MDN1: variants seen among roughly 807,000 people sequenced by gnomAD.
MDN1 encodes the protein midasin.
MDN1 carries 266 observed loss-of-function variants against 669.2 expected under a neutral mutation model. The observed-to-expected ratio is 0.40, with a 90% CI of 0.36 to 0.44. MDN1 has a LOEUF of 0.44. Ranked by LOEUF, MDN1 falls within the 20% of genes least tolerant of loss-of-function variation. The pLI, the probability that MDN1 is intolerant of heterozygous loss-of-function variation, is 1.00. For missense variants in MDN1, 5,940 were observed against 6,754.0 expected, an observed-to-expected ratio of 0.88 and a Z score of 4.22; for synonymous variants, 2,385 against 2,457.1, an observed-to-expected ratio of 0.97 and a Z score of 0.87.
Position 89,699,601 on chromosome 6 carries a change from C to T in MDN1, c.8997G>A (p.Lys2999=). Residue 2999 remains lysine, a splice_region_variant and synonymous_variant, in exon 58 of 102, where the codon AAG becomes AAA. Coordinates refer to ENST00000369393, the MANE Select transcript of MDN1 (RefSeq NM_014611.3). ...RDLWSLLHHQ[K]VSPEEITSLW... ...GCTTATGTCTTATTGTGATTTTTAC[C>T]TTCTGATGATGCAGCAAGGACCACA... 1.2e-6 allele frequency: 2 copies of T among 1,609,586 alleles called. No homozygotes were observed. The highest frequency in any genetic ancestry group is 1.7e-6 in the Non-Finnish European group (2 of 1,178,080).
chr6:89,748,087 G>A (rs961293847), intron 26 of MDN1, among the ~76,000 whole-genome samples: 9 of 148,584 alleles, frequency 6.1e-5, no homozygotes, highest in South Asian at 4.3e-4. Context: ...AGCACTTTGG[G>A]AGGCCAAGGC....
intron 94 of MDN1, among the ~76,000 whole-genome samples, 172 bp downstream of exon 94, chr6:89,652,820 G>C (rs1808976987): frequency 1.3e-5 from 2 of 152,172 alleles, no homozygotes; most frequent in African/African-American, 4.8e-5. Context: ...CGTGCTTGAA[G>C]AACACCTATC....
At chr6:89,729,211 T>C in intron 35 of MDN1, 72 bp from the exon 36 acceptor site, 2 of 1,259,612 alleles carry the variant, frequency 1.6e-6, no homozygotes, top group South Asian at 1.4e-5. Context: ...CAACTCAAGA[T>C]TTTAAAAATC....
intron 100 of MDN1, 50 bp downstream of exon 100, chr6:89,646,490 T>C (rs1808498290): frequency 5.3e-6 from 8 of 1,511,920 alleles, no homozygotes; most frequent in East Asian, 2.3e-5. Context: ...CTTGGGAATA[T>C]AGAGTACAAG....
At chr6:89,766,704 A>G (rs1238793108) in intron 15 of MDN1, among the ~76,000 whole-genome samples, 2 of 152,252 alleles carry the variant, frequency 1.3e-5, no homozygotes, top group Non-Finnish European at 2.9e-5. Flanking sequence ...GTGAAACAAC[A>G]AAAAGTGTAA....
At chr6:89,743,383 A>G (rs569981647) in intron 30 of MDN1, 103 bp from the exon 31 acceptor site, 56 of 1,469,624 alleles carry the variant, frequency 3.8e-5, no homozygotes, top group Middle Eastern at 3.9e-4. Context: ...CATTCTGAGG[A>G]AAGTAAGAAT....
intron 2 of MDN1, among the ~76,000 whole-genome samples, chr6:89,799,627 G>A (rs1286990713): frequency 6.6e-6 from 1 of 152,240 alleles, no homozygotes; most frequent in South Asian, 2.1e-4. Flanking sequence ...AAGTTGCAGT[G>A]AGCCAAGACC....
chr6:89,749,331 C>G lies in MDN1; in HGVS notation c.3654G>C (p.Leu1218Phe). The G allele has an allele frequency of 6.2e-7, 1 of 1,614,120 alleles. No individual in the cohort carries two copies. Among genetic ancestry groups the G allele is most frequent in the Non-Finnish European group, 8.5e-7 (1 of 1,180,016 alleles). Residue 1218 changes from leucine (L) to phenylalanine (F), a missense_variant, in exon 26 of 102, where the codon TTG becomes TTC. This residue lies in a region of MDN1 where 2,292 missense variants were observed against 2,638.3 expected (regional missense o/e 0.87). Coordinates refer to ENST00000369393, the MANE Select transcript of MDN1 (RefSeq NM_014611.3). ...SRAFRNRFVE[L>F]HFDELPSSEL... is the part of the protein sequence containing the mutation. ...CGGAGCTAGGTAACTCATCAAAGTG[C>G]AATTCCACAAACCGATTCCTGAAGG...
intron 32 of MDN1, 39 bp downstream of exon 32, chr6:89,740,195 C>T: frequency 6.2e-7 from 1 of 1,605,588 alleles, no homozygotes; most frequent in Non-Finnish European, 8.5e-7. Context: ...AAGCTGAGGT[C>T]AAAACCTAGA....
At chr6:89,757,373 G>C (rs1243359424) in intron 19 of MDN1, among the ~76,000 whole-genome samples, 2 of 152,098 alleles carry the variant, frequency 1.3e-5, no homozygotes, top group South Asian at 4.1e-4. Context: ...ATGTTTTCCT[G>C]TTATATCGTG....
chr6:89,704,039 G>T (rs1813357272), intron 53 of MDN1, among the ~76,000 whole-genome samples: 1 of 150,176 alleles, frequency 6.7e-6, no homozygotes. Flanking sequence ...AAAAATTGAG[G>T]ATATATGTTG....
intron 7 of MDN1, among the ~76,000 whole-genome samples, 159 bp from the exon 8 acceptor site, chr6:89,788,116 A>T (rs182074551): frequency 6.6e-6 from 1 of 152,316 alleles, no homozygotes; most frequent in East Asian, 1.9e-4. Flanking sequence ...GGAACGTCTG[A>T]ATCACCTACA....
intron 43 of MDN1, among the ~76,000 whole-genome samples, chr6:89,717,522 T>C (rs1275892696): frequency 6.6e-6 from 1 of 152,246 alleles, no homozygotes; most frequent in Non-Finnish European, 1.5e-5. Flanking sequence ...AAAGTACATA[T>C]ATTCAGTATA....
rs555859155 is a variant in MDN1 at position 89,806,770 on chromosome 6, T to A, written c.103-3216A>T. On this transcript the variant is annotated intron_variant, in intron 1 of 101. Transcript: ENST00000369393. ...CTTAATTAAAAAATTTTTTTTTTTT[T>A]AATTAGCTGGTGACGGTGTGCATCT... Among the ~76,000 whole-genome samples, 734 of 151,854 alleles carry A rather than the reference T, an allele frequency of 4.8e-3. 2 individuals carry two copies. Among genetic ancestry groups the A allele is most frequent in the Middle Eastern group, 0.017 (5 of 294 alleles).
chr6:89,803,146 T>G (rs971744218), intron 2 of MDN1, among the ~76,000 whole-genome samples, 182 bp downstream of exon 2: 1 of 152,206 alleles, frequency 6.6e-6, no homozygotes, highest in Admixed American at 6.5e-5. Flanking sequence ...ACCTAGTAAA[T>G]GCTCACTGAA....
At chr6:89,732,533 C>T (rs751181439) in intron 34 of MDN1, 24 bp downstream of exon 34, 1 of 1,608,762 alleles carries the variant, frequency 6.2e-7, no homozygotes, top group Non-Finnish European at 8.5e-7. Context: ...GCCCCTTGTC[C>T]CCACCAGCTA....
intron 9 of MDN1, among the ~76,000 whole-genome samples, chr6:89,782,535 TGAGCTGA>T (rs1818730082): frequency 6.6e-6 from 1 of 151,634 alleles, no homozygotes; most frequent in Admixed American, 6.6e-5. Context: ...GAGGCTGCAG[TGAGCTGA>T]GCACCACTGC....
intron 5 of MDN1, among the ~76,000 whole-genome samples, chr6:89,792,833 C>T (rs1239525677): frequency 6.6e-6 from 1 of 151,878 alleles, no homozygotes; most frequent in African/African-American, 2.4e-5. Context: ...GGCTGGCCAA[C>T]ATAGTGAAAT....
In MDN1 at chr6:89,771,582, T is replaced by C; in HGVS notation, c.2123A>G (p.Asp708Gly). The change falls in exon 15 of 102, where the codon GAT becomes GGT. Residue 708 changes from aspartate to glycine, a missense_variant. Around this residue, in one of 5 missense-constraint regions of MDN1, gnomAD observed 1,203 missense variants for 1,268.9 expected, o/e 0.95. Coordinates refer to ENST00000369393, the MANE Select transcript of MDN1 (RefSeq NM_014611.3). ...TTACCCTCCAAGCAAGTCTGCAGTA[T>C]CACTTTGTTGATTCATATTGACAAC... ...LRVVNMNQQS[D>G]TADLLGGYKP... is the part of the protein sequence containing the mutation. The C allele has an allele frequency of 1.2e-6, 2 of 1,614,042 alleles. No homozygotes were observed. Among genetic ancestry groups the C allele is most frequent in the Non-Finnish European group, 1.7e-6 (2 of 1,179,946 alleles).
Sources: allele counts gnomAD v4.1 joint callset (sites outside exome capture counted in the v4.1 genomes callset), GRCh38; gene constraint gnomAD v4.1.1; regional missense constraint gnomAD v4.1.1; transcripts MANE v1.5; gene names NCBI Gene and HGNC (gene_info 2026-07-23, HGNC 2026-07-21).